VGLL4: variants seen among roughly 807,000 people sequenced by gnomAD.
The protein encoded by VGLL4 is transcription cofactor vestigial-like protein 4.
A neutral mutation model predicts 21.0 loss-of-function variants in VGLL4; 7 were observed. The ratio of observed to expected loss-of-function variants is 0.33; its 90% CI spans 0.19 to 0.63. VGLL4 has a LOEUF of 0.63. Among genes scored for constraint, VGLL4 ranks in the 20% least tolerant of loss-of-function variants. The pLI, the probability that VGLL4 is intolerant of heterozygous loss-of-function variation, is 0.78. For missense variants in VGLL4, 394 were observed against 425.7 expected (o/e 0.93, Z 0.66); for synonymous variants, 222 against 173.2 (o/e 1.28, Z -2.21).
chr3:11,656,699 A>G (rs2075964025), intron 2 of VGLL4, among the ~76,000 whole-genome samples: 1 of 152,198 alleles, frequency 6.6e-6, no homozygotes, highest in East Asian at 1.9e-4. Context: ...TCGCATAGCA[A>G]GCCAGGTAAG....
Position 11,559,447 on chromosome 3 carries a change from G to C in VGLL4, c.504C>G (p.Pro168=). The change falls in exon 4 of 5, where the codon CCC becomes CCG. Residue 168 remains proline, a synonymous_variant. Transcript: ENST00000430365. ...LTPGERQQNR[P]SVITCASAGA... ...CAGCCGAGGCACAGGTGATCACGGA[G>C]GGCCGGTTCTGCGGGGAGGAGGGGT... The C allele has an allele frequency of 7.0e-6, 11 of 1,564,646 alleles. No individual in the cohort carries two copies. Among genetic ancestry groups the C allele is most frequent in the Non-Finnish European group, 9.5e-6 (11 of 1,155,430 alleles).
chr3:11,656,361 G>A (rs994028710), intron 2 of VGLL4, among the ~76,000 whole-genome samples: 4 of 152,208 alleles, frequency 2.6e-5, no homozygotes, highest in African/African-American at 9.7e-5. Flanking sequence ...CAGAGATGGT[G>A]TCCAACACAG....
In VGLL4 at chr3:11,558,285, G is replaced by A. The variant is rs779048426; in HGVS notation, c.*271C>T. 5 of 553,378 alleles carry A rather than the reference G, an allele frequency of 9.0e-6. No homozygotes were observed. Among genetic ancestry groups the A allele is most frequent in the Non-Finnish European group, 1.6e-5 (5 of 320,350 alleles). 34.3% of individuals were successfully genotyped at this position (553,378 alleles called of 1,614,324 possible). A position where few individuals can be genotyped will look rare whatever the true frequency, so the allele number is the denominator to read the frequency against. ...TCGGGGCAGCAGACCTGCATCAGAG[G>A]TTTCTTTGGTAACTGAGGCAGGAAG... On this transcript the variant is annotated 3_prime_UTR_variant, in exon 5 of 5. Coordinates refer to ENST00000430365, the MANE Select transcript of VGLL4 (RefSeq NM_001128219.3).
chr3:11,632,324 A>T (rs1367763569), intron 1 of VGLL4, among the ~76,000 whole-genome samples: 1 of 152,202 alleles, frequency 6.6e-6, no homozygotes, highest in Admixed American at 6.5e-5. Context: ...AAAATAAAAA[A>T]AAAATAAAAT....
At chr3:11,559,225 G>C in intron 4 of VGLL4, 107 bp downstream of exon 4, 3 of 1,430,304 alleles carry the variant, frequency 2.1e-6, no homozygotes, top group South Asian at 3.0e-5. Flanking sequence ...TTCAACCTCA[G>C]CAATAGATGG....
In VGLL4 at chr3:11,602,026, C is replaced by T. The variant is rs773148352; in HGVS notation, c.83-4G>A. The T allele has an allele frequency of 1.2e-5, 18 of 1,545,192 alleles. No homozygotes were observed. The highest frequency in any genetic ancestry group is 9.5e-5 in the East Asian group (4 of 42,030). Reference sequence around the variant, plus strand: ...TCTCCCCTGAGAGCAGCTTCGCCTACGCAGAGAGAGATGATGTAGTCACTA... The same window carrying T: ...TCTCCCCTGAGAGCAGCTTCGCCTATGCAGAGAGAGATGATGTAGTCACTA... On this transcript the variant is annotated splice_region_variant and splice_polypyrimidine_tract_variant and intron_variant, in intron 1 of 4. Coordinates refer to ENST00000430365, the MANE Select transcript of VGLL4 (RefSeq NM_001128219.3).
At chr3:11,687,133 A>G (rs997596123) in intron 2 of VGLL4, among the ~76,000 whole-genome samples, 6 of 152,202 alleles carry the variant, frequency 3.9e-5, no homozygotes, top group African/African-American at 1.4e-4. Flanking sequence ...TTAATGTCTG[A>G]TATTAAAATA....
At chr3:11,638,532 T>C (rs78179831) in intron 1 of VGLL4, among the ~76,000 whole-genome samples, 4,737 of 152,212 alleles carry the variant, frequency 0.031, 98 homozygotes, top group Non-Finnish European at 0.047. Flanking sequence ...TCTCTCTCTC[T>C]CTGTCTCCCC....
At chr3:11,718,835 C>T (rs1287498412) in intron 1 of VGLL4, among the ~76,000 whole-genome samples, 1 of 152,100 alleles carries the variant, frequency 6.6e-6, no homozygotes, top group African/African-American at 2.4e-5. Flanking sequence ...AGAGAAGGGA[C>T]TACAACTAGC....
chr3:11,583,930 C>CT (rs2074302329), intron 2 of VGLL4, among the ~76,000 whole-genome samples: 1 of 152,328 alleles, frequency 6.6e-6, no homozygotes, highest in Admixed American at 6.5e-5. Flanking sequence ...AAACAATAAG[C>CT]TTCCCTCCGC....
At chr3:11,629,513 T>C (rs1401923476) in intron 1 of VGLL4, among the ~76,000 whole-genome samples, 4 of 151,856 alleles carry the variant, frequency 2.6e-5, no homozygotes, top group African/African-American at 9.7e-5. Context: ...TCCCAGCACT[T>C]TGGGAGGCAG....
At chr3:11,667,075 T>G (rs1169012560) in intron 2 of VGLL4, among the ~76,000 whole-genome samples, 1 of 152,198 alleles carries the variant, frequency 6.6e-6, no homozygotes, top group Non-Finnish European at 1.5e-5. Flanking sequence ...AACCATCTCT[T>G]CAAAGAAAAA....
At chr3:11,652,877 G>T (rs1057426664) in intron 2 of VGLL4, among the ~76,000 whole-genome samples, 2 of 152,156 alleles carry the variant, frequency 1.3e-5, no homozygotes, top group Non-Finnish European at 2.9e-5. Flanking sequence ...TTACATACAT[G>T]ATTATTTTAG....
intron 2 of VGLL4, among the ~76,000 whole-genome samples, chr3:11,649,752 A>T (rs1481757900): frequency 6.6e-6 from 1 of 152,206 alleles, no homozygotes; most frequent in Admixed American, 6.5e-5. Flanking sequence ...AGACATGTGT[A>T]CGTGCTTTTT....
intron 2 of VGLL4, among the ~76,000 whole-genome samples, chr3:11,597,700 C>T (rs2074679688): frequency 6.6e-6 from 1 of 152,074 alleles, no homozygotes; most frequent in South Asian, 2.1e-4. Context: ...GCTATATAAA[C>T]CCCAGCTTTA....
At chr3:11,621,492 G>A (rs140652160) in intron 1 of VGLL4, among the ~76,000 whole-genome samples, 38 of 152,268 alleles carry the variant, frequency 2.5e-4, no homozygotes, top group African/African-American at 8.7e-4. Context: ...ATGTTGTAAC[G>A]TATGTCAGTA....
In VGLL4 at chr3:11,696,793, C is replaced by T. The variant is rs538898488; in HGVS notation, c.64+6178G>A. Among the ~76,000 whole-genome samples the T allele has an allele frequency of 3.3e-5, 5 of 152,264 alleles. No individual in the cohort carries two copies. The South Asian group carries it at 6.2e-4, about 19-fold the overall frequency. ...CTCAGTCGTCGCCCAGGCTGGAGTG[C>T]GGTGGCACCATCACAGTTCACTGCA... On this transcript the variant is annotated intron_variant, in intron 2 of 5. Coordinates refer to the VGLL4 transcript ENST00000273038.
Position 11,568,528 on chromosome 3 carries a change from G to A in VGLL4, c.273-3509C>T. 6.5e-7 allele frequency: 1 copy of A among 1,541,534 alleles called. No individual in the cohort carries two copies. The highest frequency in any genetic ancestry group is 1.4e-5 in the African/African-American group (1 of 72,962). The stretch of plus-strand genomic sequence containing the variant: ...ACAGCACAGTGGGCACTATGGGTCA[G>A]ACAAAGACACTGAAAACAGCGAGAA... On this transcript the variant is annotated intron_variant, in intron 2 of 4. Transcript: ENST00000430365. This position sits in a 1 kb window ranked among gnomAD's most constrained non-coding sequence, Gnocchi z 5.9.
Position 11,665,729 on chromosome 3 carries a change from A to C in VGLL4, c.64+37242T>G, listed in dbSNP as rs183417355. Among the ~76,000 whole-genome samples, 169 of 152,382 alleles carry C rather than the reference A, an allele frequency of 1.1e-3. 1 individual carries two copies. Among genetic ancestry groups the C allele is most frequent in the African/African-American group, 3.9e-3 (164 of 41,600 alleles). On this transcript the variant is annotated intron_variant, in intron 2 of 5. Transcript: ENST00000273038. ...ATTTACTGATCACCTCCCAGGTGCC[A>C]GGCACTGTGCTAGGCACTGGAGATT...
Sources: allele counts gnomAD v4.1 joint callset (sites outside exome capture counted in the v4.1 genomes callset), GRCh38; gene constraint gnomAD v4.1.1; non-coding constraint Gnocchi (gnomAD v3.1); transcripts MANE v1.5; gene names NCBI Gene and HGNC (gene_info 2026-07-23, HGNC 2026-07-21).